CACNA2D3: variants seen among roughly 807,000 people sequenced by gnomAD.
CACNA2D3 encodes voltage-dependent calcium channel subunit alpha-2/delta-3.
Under a neutral mutation model 160.6 loss-of-function variants are expected in CACNA2D3, and 60 were observed. The ratio of observed to expected loss-of-function variants is 0.37; its 90% confidence interval spans 0.30 to 0.46. The LOEUF (loss-of-function observed/expected upper bound fraction) is 0.46. Among genes scored for constraint, CACNA2D3 ranks in the 20% least tolerant of loss-of-function variants. The probability of loss-of-function intolerance (pLI) is 1.00; values close to 1 mark genes in which losing one functional copy is unlikely to be tolerated. For synonymous variants in CACNA2D3, 558 were observed against 492.9 expected (o/e 1.13, Z -1.75); for missense variants, 1,205 against 1,365.0 (o/e 0.88, Z 1.85).
At chr3:54,618,427 T>C (rs1438316634) in intron 9 of CACNA2D3, among the ~76,000 whole-genome samples, 4 of 140,976 alleles carry the variant, frequency 2.8e-5, no homozygotes, top group African/African-American at 1.1e-4. Context: ...CCTTACAGGG[T>C]ATTTGTTTAT....
chr3:54,659,664 C>T (rs1032909705), intron 11 of CACNA2D3, among the ~76,000 whole-genome samples: 1 of 152,176 alleles, frequency 6.6e-6, no homozygotes, highest in Non-Finnish European at 1.5e-5. Flanking sequence ...GGAAAACTGC[C>T]ACGGGGACAG....
intron 34 of CACNA2D3, among the ~76,000 whole-genome samples, chr3:55,015,747 C>T (rs547629771): frequency 2.1e-4 from 32 of 152,274 alleles, no homozygotes; most frequent in Middle Eastern, 3.4e-3. Flanking sequence ...TGTCTGGCCT[C>T]TTCAGCTTAA....
intron 14 of CACNA2D3, among the ~76,000 whole-genome samples, 199 bp downstream of exon 14, chr3:54,817,069 A>G (rs1472079976): frequency 6.6e-6 from 1 of 152,122 alleles, no homozygotes; most frequent in Non-Finnish European, 1.5e-5. Flanking sequence ...AGTCCCTCCA[A>G]AGGACCCTAT....
rs564494482 is a variant in CACNA2D3, at chr3:54,321,458, T to G, written c.321+900T>G. On this transcript the variant is annotated intron_variant, in intron 3 of 37. Transcript: ENST00000474759. ...CACCACACCTCGCTCACTTGCAAGTTTTGACATAAATAATGCTGCAGTGAA... is the reference window on the plus strand; with the variant it reads ...CACCACACCTCGCTCACTTGCAAGTGTTGACATAAATAATGCTGCAGTGAA... 8.5e-4 allele frequency among the ~76,000 whole-genome samples: 130 copies of G among 152,278 alleles called. 1 individual carries two copies. Among genetic ancestry groups the G allele is most frequent in the African/African-American group, 3.0e-3 (125 of 41,540 alleles).
At chr3:54,706,107 G>A (rs1700853634) in intron 11 of CACNA2D3, among the ~76,000 whole-genome samples, 1 of 152,140 alleles carries the variant, frequency 6.6e-6, no homozygotes, top group Admixed American at 6.5e-5. Flanking sequence ...GTTCTTCCAT[G>A]GATCCAGCAT....
chr3:54,648,874 C>G (rs1699703857), intron 11 of CACNA2D3, among the ~76,000 whole-genome samples: 1 of 152,112 alleles, frequency 6.6e-6, no homozygotes, highest in Admixed American at 6.6e-5. Context: ...GTGATCGGCT[C>G]TCACATGAAC....
At chr3:54,337,131 T>TA (rs1316997546) in intron 3 of CACNA2D3, among the ~76,000 whole-genome samples, 1 of 152,200 alleles carries the variant, frequency 6.6e-6, no homozygotes, top group Non-Finnish European at 1.5e-5. Flanking sequence ...GGTAGGCAGA[T>TA]ACGGCAAATG....
chr3:54,611,651 C>T (rs1475452502), intron 9 of CACNA2D3, among the ~76,000 whole-genome samples: 1 of 152,174 alleles, frequency 6.6e-6, no homozygotes, highest in Non-Finnish European at 1.5e-5. Context: ...CAGGACTATC[C>T]AGTCTCTTTG....
intron 31 of CACNA2D3, among the ~76,000 whole-genome samples, chr3:54,989,721 G>A (rs536926629): frequency 1.5e-3 from 236 of 152,342 alleles, no homozygotes; most frequent in African/African-American, 5.5e-3. Flanking sequence ...TGGCATGTAT[G>A]AAGAGCTCAA....
chr3:54,302,177 C>G (rs752034387), intron 2 of CACNA2D3, among the ~76,000 whole-genome samples: 2 of 152,196 alleles, frequency 1.3e-5, no homozygotes, highest in Non-Finnish European at 2.9e-5. Context: ...ACATTCTCCT[C>G]TCACTGGTAA....
At chr3:54,802,699 G>C (rs1273704121) in intron 13 of CACNA2D3, among the ~76,000 whole-genome samples, 1 of 152,144 alleles carries the variant, frequency 6.6e-6, no homozygotes, top group Non-Finnish European at 1.5e-5. Context: ...GCTTTGAAGA[G>C]AGCAATGGTT....
At chr3:54,853,062 T>C (rs557426386) in intron 17 of CACNA2D3, among the ~76,000 whole-genome samples, 64 of 152,242 alleles carry the variant, frequency 4.2e-4, no homozygotes, top group Non-Finnish European at 8.5e-4. Flanking sequence ...CATGCTCAAC[T>C]CTTCTTTACC....
intron 31 of CACNA2D3, among the ~76,000 whole-genome samples, chr3:54,988,062 A>G (rs1255195213): frequency 1.3e-5 from 2 of 152,212 alleles, no homozygotes; most frequent in Non-Finnish European, 2.9e-5. Context: ...GCGAAGAAGT[A>G]GGAAAGGTTT....
chr3:54,233,202 C>G (rs1302954899), intron 2 of CACNA2D3, among the ~76,000 whole-genome samples: 1 of 152,192 alleles, frequency 6.6e-6, no homozygotes, highest in Non-Finnish European at 1.5e-5. Context: ...TCCCTCCCAT[C>G]CCCAGAATAT....
intron 25 of CACNA2D3, among the ~76,000 whole-genome samples, chr3:54,892,707 A>G (rs1474689971): frequency 2.0e-5 from 3 of 152,178 alleles, no homozygotes; most frequent in African/African-American, 7.2e-5. Context: ...GGATCCAGAT[A>G]GGCAAGGGGA....
At chr3:54,749,287 A>G (rs1012089709) in intron 11 of CACNA2D3, among the ~76,000 whole-genome samples, 4 of 152,232 alleles carry the variant, frequency 2.6e-5, no homozygotes, top group African/African-American at 7.2e-5. Flanking sequence ...TGGGTAGCCC[A>G]CTACACGAAT....
chr3:54,467,737 G>A (rs1700654469), intron 4 of CACNA2D3, among the ~76,000 whole-genome samples: 1 of 152,184 alleles, frequency 6.6e-6, no homozygotes, highest in Admixed American at 6.5e-5. Flanking sequence ...TACAGGGGAA[G>A]GAGGAGTGGG....
At chr3:54,671,030 G>T (rs1472318916) in intron 11 of CACNA2D3, among the ~76,000 whole-genome samples, 1 of 152,094 alleles carries the variant, frequency 6.6e-6, no homozygotes, top group African/African-American at 2.4e-5. Flanking sequence ...AAATCAACTT[G>T]TCTAGTGGAG....
At chr3:54,989,184 C>T (rs1253933291) in intron 31 of CACNA2D3, among the ~76,000 whole-genome samples, 1 of 152,198 alleles carries the variant, frequency 6.6e-6, no homozygotes, top group East Asian at 1.9e-4. Flanking sequence ...GGAATAATCG[C>T]ACACGTGTTT....
Sources: allele counts gnomAD v4.1 joint callset (sites outside exome capture counted in the v4.1 genomes callset), GRCh38; gene constraint gnomAD v4.1.1; transcripts MANE v1.5; gene names NCBI Gene and HGNC (gene_info 2026-07-23, HGNC 2026-07-21).